Variants in SUPT5H observed in about 807,000 individuals in gnomAD.
SUPT5H encodes the protein transcription elongation factor SPT5.
Under a neutral mutation model 142.5 loss-of-function variants are expected in SUPT5H, and 24 were observed. The observed-to-expected ratio is 0.17, with a 90% CI of 0.12 to 0.24. The LOEUF is 0.24. Ranked by LOEUF, SUPT5H falls within the 10% of genes least tolerant of loss-of-function variation. SUPT5H has a pLI of 1.00. For synonymous variants in SUPT5H, 546 were observed against 553.0 expected, an observed-to-expected ratio of 0.99 and a Z score of 0.18; for missense variants, 893 against 1,471.8, an observed-to-expected ratio of 0.61 and a Z score of 6.43.
chr19:39,453,548 G>A lies in SUPT5H; in HGVS notation c.241+27G>A, dbSNP rs557190942. The stretch of plus-strand genomic sequence containing the variant: ...TATGTCATAGTGCTTGGCCAGTGCC[G>A]AGCAGAGGCTGAGCTTCTACTTTTA... On this transcript the variant is annotated intron_variant, in intron 3 of 29. Transcript: ENST00000432763. The A allele has an allele frequency of 1.4e-5, 21 of 1,475,864 alleles. No individual in the cohort carries two copies. The Admixed American group carries it at 4.8e-4, about 34-fold the overall frequency. The allele number at this position is 1,475,864 out of a possible 1,614,324, so 91.4% of individuals were successfully genotyped here. A position where few individuals can be genotyped will look rare whatever the true frequency, so the allele number is the denominator to read the frequency against.
chr19:39,457,201 G>A (rs1268077338), intron 3 of SUPT5H, among the ~76,000 whole-genome samples: 9 of 152,320 alleles, frequency 5.9e-5, no homozygotes, highest in African/African-American at 1.9e-4. Flanking sequence ...AACAACGATA[G>A]TGCCTCCCTC....
chr19:39,473,280 G>T lies in SUPT5H; in HGVS notation c.2336G>T (p.Gly779Val). Residue 779 changes from glycine (G) to valine (V), a missense_variant, in exon 24 of 30, where the codon GGC (glycine) becomes GTC (valine). By Grantham distance (109) the Gly-to-Val change is moderately radical. This residue lies in a region of SUPT5H where 336 missense variants were observed against 546.5 expected (regional missense o/e 0.61). Transcript: ENST00000432763. The surrounding 1 kb of genome is among the most constrained non-coding windows in gnomAD (Gnocchi z 5.8). ...PMYGSQTPMY[G>V]SGSRTPMYGS... is the part of the protein sequence containing the mutation. Reference sequence around the variant, plus strand: ...TATGGCTCCCAGACGCCCATGTATGGCTCTGGCTCCCGAACACCCATGTAC... The same window carrying T: ...TATGGCTCCCAGACGCCCATGTATGTCTCTGGCTCCCGAACACCCATGTAC... 1 of 1,613,858 alleles carries T rather than the reference G, an allele frequency of 6.2e-7. No individual in the cohort carries two copies. Among genetic ancestry groups the T allele is most frequent in the Non-Finnish European group, 8.5e-7 (1 of 1,179,962 alleles).
intron 2 of SUPT5H, among the ~76,000 whole-genome samples, chr19:39,451,892 T>C (rs1398449806): frequency 6.6e-6 from 1 of 152,182 alleles, no homozygotes; most frequent in Non-Finnish European, 1.5e-5. Flanking sequence ...ATTGTAGTAA[T>C]GACATGGAAG....
At chr19:39,475,228 A>G (rs2079386790) in intron 28 of SUPT5H, 3 of 43,936 alleles carry the variant, frequency 6.8e-5, no homozygotes. Flanking sequence ...AAAAATACAA[A>G]AAAAAAAAAA....
intron 2 of SUPT5H, 110 bp from the exon 3 acceptor site, chr19:39,453,246 G>A: frequency 7.6e-7 from 1 of 1,310,682 alleles, no homozygotes; most frequent in Non-Finnish European, 1.0e-6. Flanking sequence ...GAGCAAAGTG[G>A]GCTATGATTG....
chr19:39,466,619 A>G lies in SUPT5H; in HGVS notation c.966+50A>G. On this transcript the variant is annotated intron_variant, in intron 12 of 29. Coordinates refer to ENST00000432763, the MANE Select transcript of SUPT5H (RefSeq NM_001111020.3). The surrounding 1 kb of genome is among the most constrained non-coding windows in gnomAD (Gnocchi z 4.3). ...GGGGGGAGGGAGTGTGCTCGATCCC[A>G]CTGGTGGCCAAGCCCCCTCCCTCAC... The G allele has an allele frequency of 6.2e-7, 1 of 1,612,418 alleles. No homozygotes were observed. Among genetic ancestry groups the G allele is most frequent in the Non-Finnish European group, 8.5e-7 (1 of 1,178,492 alleles).
In SUPT5H at chr19:39,476,423, G is replaced by C. The variant is rs532131934; in HGVS notation, c.*24G>C. ...GAAGCAGGCAGGGCCGGTGGACTTC[G>C]TCGGATGAAGAGTGATCCTCCTTCC... On this transcript the variant is annotated 3_prime_UTR_variant, in exon 30 of 30. Coordinates refer to ENST00000432763, the MANE Select transcript of SUPT5H (RefSeq NM_001111020.3). 2.5e-6 allele frequency: 4 copies of C among 1,613,200 alleles called. No individual in the cohort carries two copies. Among genetic ancestry groups the C allele is most frequent in the East Asian group, 2.2e-5 (1 of 44,880 alleles).
chr19:39,473,432 C>T lies in SUPT5H; in HGVS notation c.2403C>T (p.His801=). ...CCATTCCAGGTAGCCGCACCCCACA[C>T]TACGGCTCACAGACGCCCCTGCATG... ...TPLQDGSRTP[H]YGSQTPLHDG... is the part of the protein sequence containing the mutation. Residue 801 remains histidine, a synonymous_variant, in exon 25 of 30, where the codon CAC becomes CAT. Transcript: ENST00000432763. This position sits in a 1 kb window ranked among gnomAD's most constrained non-coding sequence, Gnocchi z 5.8. 2 of 1,613,526 alleles carry T rather than the reference C, an allele frequency of 1.2e-6. No homozygotes were observed. The highest frequency in any genetic ancestry group is 1.3e-5 in the African/African-American group (1 of 75,010).
At chr19:39,476,026 C>T in intron 28 of SUPT5H, 55 bp from the exon 29 acceptor site, 6 of 1,490,400 alleles carry the variant, frequency 4.0e-6, no homozygotes, top group South Asian at 2.3e-5. Context: ...GGAGTATGGG[C>T]CTCAGTCCCA....
At position 39,445,861 on chromosome 19, in the gene SUPT5H, GGCT is replaced by G. The variant is rs1440914115; in HGVS notation, c.-25_-23del. The G allele has an allele frequency of 6.2e-7, 1 of 1,610,502 alleles. No homozygotes were observed. The highest frequency in any genetic ancestry group is 1.1e-5 in the South Asian group (1 of 90,548). On this transcript the variant is annotated 5_prime_UTR_variant, in exon 2 of 30. Transcript: ENST00000432763. ...AGCGCAGGATTGTGGGACGCGCCAA[GGCT>G]GCTGTCTTTCCCAGCAGCAGCGGAA...
At chr19:39,461,998 G>A (rs1407138781) in intron 10 of SUPT5H, among the ~76,000 whole-genome samples, 1 of 151,658 alleles carries the variant, frequency 6.6e-6, no homozygotes, top group Non-Finnish European at 1.5e-5. Context: ...CAATGGTGTG[G>A]TCTCGGCTCA....
Position 39,474,169 on chromosome 19 carries a change from T to G in SUPT5H, c.2651+48T>G, listed in dbSNP as rs769245116. 34 of 1,610,450 alleles carry G rather than the reference T, an allele frequency of 2.1e-5. No individual in the cohort carries two copies. In the Middle Eastern group the frequency reaches 6.6e-4, roughly 31 times the overall value. On this transcript the variant is annotated intron_variant, in intron 26 of 29. Transcript: ENST00000432763. The surrounding 1 kb of genome is among the most constrained non-coding windows in gnomAD (Gnocchi z 6.5). The stretch of plus-strand genomic sequence containing the variant: ...TCGTCTACCCCTGCCCAAACCCTCC[T>G]ACTGCCACCACCTCTTTTCCCCTCC...
chr19:39,457,214 G>C (rs2079102098), intron 3 of SUPT5H, among the ~76,000 whole-genome samples: 1 of 152,148 alleles, frequency 6.6e-6, no homozygotes, highest in African/African-American at 2.4e-5. Context: ...CCTCCCTCGG[G>C]GTTGCCAGGA....
In SUPT5H at chr19:39,466,836, C is replaced by T; in HGVS notation, c.1037+91C>T. ...AGGTTCCTCCCCAGGGGTGGCCCCG[C>T]CACAGGTTTAGCCTGTGAATTGGTT... On this transcript the variant is annotated intron_variant, in intron 13 of 29. Coordinates refer to ENST00000432763, the MANE Select transcript of SUPT5H (RefSeq NM_001111020.3). This position sits in a 1 kb window ranked among gnomAD's most constrained non-coding sequence, Gnocchi z 4.3. The T allele has an allele frequency of 7.8e-7, 1 of 1,276,400 alleles. No individual in the cohort carries two copies. The highest frequency in any genetic ancestry group is 1.1e-6 in the Non-Finnish European group (1 of 875,484). The allele number at this position is 1,276,400 out of a possible 1,614,324, so 79.1% of individuals were successfully genotyped here. A position where few individuals can be genotyped will look rare whatever the true frequency, so the allele number is the denominator to read the frequency against.
At chr19:39,475,036 G>T in intron 28 of SUPT5H, 1 of 410,562 alleles carries the variant, frequency 2.4e-6, no homozygotes. Flanking sequence ...GGAGGTGAGG[G>T]GAACCTGGGC....
intron 2 of SUPT5H, among the ~76,000 whole-genome samples, chr19:39,449,381 G>A (rs2078992044): frequency 1.3e-5 from 2 of 152,146 alleles, no homozygotes; most frequent in South Asian, 4.1e-4. Flanking sequence ...GTCATAGTTT[G>A]GGTTGTTAAA....
chr19:39,450,217 G>T (rs905703702), intron 2 of SUPT5H, among the ~76,000 whole-genome samples: 2 of 152,090 alleles, frequency 1.3e-5, no homozygotes, highest in African/African-American at 4.8e-5. Context: ...GGGATTACAG[G>T]TGTGAGCCCC....
chr19:39,446,669 A>G (rs1378312943), intron 2 of SUPT5H, among the ~76,000 whole-genome samples: 1 of 152,204 alleles, frequency 6.6e-6, no homozygotes, highest in Admixed American at 6.5e-5. Context: ...GTTTGAGAGC[A>G]ATCTCGGTAA....
chr19:39,459,871 A>T, intron 9 of SUPT5H, 21 bp from the exon 10 acceptor site: 1 of 1,613,484 alleles, frequency 6.2e-7, no homozygotes, highest in Non-Finnish European at 8.5e-7. Context: ...ATCTCTCTCA[A>T]ATCTGCCTCT....
Sources: gnomAD v4.1 joint callset for allele counts (sites outside exome capture counted in the v4.1 genomes callset) on GRCh38, gnomAD v4.1.1 for gene constraint, gnomAD v4.1.1 regional missense constraint, Gnocchi (gnomAD v3.1) non-coding constraint, MANE v1.5 for transcripts, NCBI Gene and HGNC (gene_info 2026-07-23, HGNC 2026-07-21) for gene names.